KIF26B: variants seen among roughly 807,000 people sequenced by gnomAD.
KIF26B encodes the protein kinesin-like protein KIF26B.
KIF26B carries 63 observed loss-of-function variants against 151.2 expected under a neutral mutation model. The ratio of observed to expected loss-of-function variants is 0.42; its 90% confidence interval spans 0.34 to 0.51. The LOEUF (loss-of-function observed/expected upper bound fraction) is 0.51, where lower values mean the gene tolerates loss of function less well. KIF26B is among the 20% of genes least tolerant of loss of function. The pLI is 0.07. For synonymous variants in KIF26B, 1,357 were observed against 1,262.1 expected, an observed-to-expected ratio of 1.08 and a Z score of -1.59; for missense variants, 2,813 against 2,913.6, an observed-to-expected ratio of 0.97 and a Z score of 0.79.
At chr1:245,590,901 G>T (rs1416790886) in intron 5 of KIF26B, among the ~76,000 whole-genome samples, 1 of 127,850 alleles carries the variant, frequency 7.8e-6, no homozygotes, top group Non-Finnish European at 1.6e-5. Context: ...GTGAGATCCT[G>T]TCTCAAAAAA....
At position 245,169,334 on chromosome 1, in the gene KIF26B, T is replaced by TGGGG. The variant is rs752167803; in HGVS notation, c.465+12652_465+12653insGGGG. Among the ~76,000 whole-genome samples the TGGGG allele has an allele frequency of 2.3e-4, 34 of 147,316 alleles. No homozygotes were observed. In the East Asian group the frequency reaches 2.5e-3, roughly 11 times the overall value. ...CGACTTTCTAACGGGCCATGGTGTG[T>TGGGG]GTGTGTGTGTGTGTGTGTGTGTGTG... On this transcript the variant is annotated intron_variant, in intron 2 of 14. Coordinates refer to ENST00000407071, the MANE Select transcript of KIF26B (RefSeq NM_018012.4).
At chr1:245,293,174 G>A (rs1260023442) in intron 2 of KIF26B, among the ~76,000 whole-genome samples, 1 of 151,986 alleles carries the variant, frequency 6.6e-6, no homozygotes, top group African/African-American at 2.4e-5. Context: ...GAAAAACCTT[G>A]TTTTCGCTCT....
In KIF26B at chr1:245,494,908, C is replaced by T. The variant is rs149433193; in HGVS notation, c.1167-45859C>T. ...TACAAAAATTAGCCAGGCATGGTGG[C>T]GCACACCTGTAGTCCCAGCTACTTG... On this transcript the variant is annotated intron_variant, in intron 4 of 14. Transcript: ENST00000407071. 9.4e-3 allele frequency among the ~76,000 whole-genome samples: 1,430 copies of T among 152,092 alleles called. 23 individuals carry two copies. The highest frequency in any genetic ancestry group is 0.029 in the African/African-American group (1,192 of 41,508).
intron 2 of KIF26B, among the ~76,000 whole-genome samples, chr1:245,234,907 C>T (rs1483172588): frequency 6.6e-6 from 1 of 152,194 alleles, no homozygotes; most frequent in East Asian, 1.9e-4. Flanking sequence ...ATCCGTTGGA[C>T]ACCCGGTGGC....
intron 3 of KIF26B, among the ~76,000 whole-genome samples, chr1:245,391,715 C>T (rs548545440): frequency 6.6e-6 from 1 of 150,406 alleles, no homozygotes; most frequent in Admixed American, 6.6e-5. Flanking sequence ...TGCCACTTTT[C>T]TTACTAATTT....
At chr1:245,634,674 A>G (rs1469699953) in intron 9 of KIF26B, among the ~76,000 whole-genome samples, 2 of 152,044 alleles carry the variant, frequency 1.3e-5, no homozygotes, top group South Asian at 2.1e-4. Flanking sequence ...AATAAACCTC[A>G]CTTGCTCATG....
intron 2 of KIF26B, among the ~76,000 whole-genome samples, chr1:245,169,958 C>T (rs748708726): frequency 4.6e-5 from 7 of 152,110 alleles, no homozygotes; most frequent in Admixed American, 6.6e-5. Flanking sequence ...CTTGACACTA[C>T]ACTCCGTGAG....
intron 2 of KIF26B, among the ~76,000 whole-genome samples, chr1:245,305,650 G>C (rs942733168): frequency 1.3e-5 from 2 of 152,140 alleles, no homozygotes; most frequent in Non-Finnish European, 2.9e-5. Flanking sequence ...TTGAAAATGT[G>C]AAATGAGGCC....
At chr1:245,487,150 C>G (rs1023136251) in intron 4 of KIF26B, among the ~76,000 whole-genome samples, 5 of 152,014 alleles carry the variant, frequency 3.3e-5, no homozygotes, top group African/African-American at 1.2e-4. Context: ...TAGCTTGTGT[C>G]GTGATACCTC....
chr1:245,278,442 A>T (rs1328145313), intron 2 of KIF26B, among the ~76,000 whole-genome samples: 1 of 152,176 alleles, frequency 6.6e-6, no homozygotes, highest in Non-Finnish European at 1.5e-5. Flanking sequence ...CTTTGCATTC[A>T]GAATTTCCGG....
chr1:245,413,919 C>T (rs1674353590), intron 3 of KIF26B, among the ~76,000 whole-genome samples: 1 of 152,208 alleles, frequency 6.6e-6, no homozygotes, highest in South Asian at 2.1e-4. Context: ...GCTGATTTCC[C>T]TTGGGGAAGG....
chr1:245,607,556 C>T (rs2043469109), intron 6 of KIF26B, 95 bp from the exon 7 acceptor site: 3 of 955,800 alleles, frequency 3.1e-6, no homozygotes, highest in Non-Finnish European at 3.2e-6. Context: ...GACACTGGGA[C>T]CCGAAGCCCC....
intron 2 of KIF26B, among the ~76,000 whole-genome samples, chr1:245,255,369 G>T (rs1033953825): frequency 2.0e-5 from 3 of 152,208 alleles, no homozygotes; most frequent in African/African-American, 7.2e-5. Flanking sequence ...TACAGCCAGT[G>T]TCCTTTGGAG....
rs781608864 is a variant in KIF26B at position 245,495,485 on chromosome 1, T to A, written c.1167-45282T>A. Among the ~76,000 whole-genome samples, 1 of 152,256 alleles carries A rather than the reference T, an allele frequency of 6.6e-6. No homozygotes were observed. Among genetic ancestry groups the A allele is most frequent in the Non-Finnish European group, 1.5e-5 (1 of 68,044 alleles). ...AACTCAAACATTTATCATGTCTTTG[T>A]GTTGTGGACATTGAAAATCTTTTCT... is the stretch of plus-strand genomic sequence containing the variant. On this transcript the variant is annotated intron_variant, in intron 4 of 14. Transcript: ENST00000407071. The surrounding 1 kb of genome is among the most constrained non-coding windows in gnomAD (Gnocchi z 4.2).
intron 2 of KIF26B, among the ~76,000 whole-genome samples, chr1:245,220,854 T>TC (rs1043213539): frequency 1.2e-4 from 18 of 152,034 alleles, no homozygotes; most frequent in African/African-American, 4.1e-4. Context: ...AGTGGTTTTG[T>TC]CCCCCACGGG....
At chr1:245,411,856 A>G (rs1391416837) in intron 3 of KIF26B, among the ~76,000 whole-genome samples, 1 of 152,112 alleles carries the variant, frequency 6.6e-6, no homozygotes, top group Admixed American at 6.5e-5. Context: ...TGTGGACTCT[A>G]TCACTGCATC....
chr1:245,287,987 A>G (rs1205937678), intron 2 of KIF26B, among the ~76,000 whole-genome samples: 5 of 152,184 alleles, frequency 3.3e-5, no homozygotes, highest in African/African-American at 1.2e-4. Flanking sequence ...CTTAAAAAAA[A>G]AAAGAACAGA....
At chr1:245,639,992 G>GT (rs2043871389) in intron 9 of KIF26B, among the ~76,000 whole-genome samples, 1 of 150,924 alleles carries the variant, frequency 6.6e-6, no homozygotes, top group South Asian at 2.1e-4. Flanking sequence ...CTAGAGTATA[G>GT]TTTAATTCTG....
chr1:245,465,731 G>A (rs1382529979), intron 4 of KIF26B, among the ~76,000 whole-genome samples: 2 of 152,208 alleles, frequency 1.3e-5, no homozygotes, highest in African/African-American at 2.4e-5. Context: ...CAGGCAAGCC[G>A]TGGTGCGCAG....
Sources: allele counts gnomAD v4.1 joint callset (sites outside exome capture counted in the v4.1 genomes callset), GRCh38; gene constraint gnomAD v4.1.1; non-coding constraint Gnocchi (gnomAD v3.1); transcripts MANE v1.5; gene names NCBI Gene and HGNC (gene_info 2026-07-23, HGNC 2026-07-21).